The following PRUNE2 variants were observed in gnomAD, a reference collection of about 807,000 sequenced individuals.
The protein encoded by PRUNE2 is prune homolog 2 with BCH domain.
A neutral mutation model predicts 252.0 loss-of-function variants in PRUNE2; 164 were observed. That is an observed-to-expected ratio of 0.65 (90% CI 0.57 to 0.74). The LOEUF (loss-of-function observed/expected upper bound fraction) is 0.74. Among genes scored for constraint, PRUNE2 ranks in the 30% least tolerant of loss-of-function variants. The pLI, the probability that PRUNE2 is intolerant of heterozygous loss-of-function variation, is 0.00. For missense variants in PRUNE2, 3,495 were observed against 3,711.0 expected (o/e 0.94, Z 1.51); for synonymous variants, 1,292 against 1,350.2 (o/e 0.96, Z 0.94).
At position 76,656,753 on chromosome 9, in the gene PRUNE2, C is replaced by A. The variant is rs115739389; in HGVS notation, c.8277-1251G>T. ...CTACCTTCAAAAACTCAGTGCTGCT[C>A]CCCTGGATAGAGGTAAGTGCCTGTG... On this transcript the variant is annotated intron_variant, in intron 9 of 18. Transcript: ENST00000376718. Among the ~76,000 whole-genome samples, 482 of 152,238 alleles carry A rather than the reference C, an allele frequency of 3.2e-3. 3 individuals are homozygous for A. The highest frequency in any genetic ancestry group is 0.011 in the African/African-American group (458 of 41,530).
At chr9:76,774,450 C>CTTTTTTTATTTATTTATTTTT (rs1564272256) in intron 6 of PRUNE2, among the ~76,000 whole-genome samples, 3 of 41,402 alleles carry the variant, frequency 7.2e-5, no homozygotes, top group Non-Finnish European at 7.8e-5. Flanking sequence ...CAGTTCAACC[C>CTTTTTTTATTTATTTATTTTT]TTTTTTTTTT....
chr9:76,734,633 T>C (rs145144420), intron 6 of PRUNE2, among the ~76,000 whole-genome samples: 37 of 152,276 alleles, frequency 2.4e-4, no homozygotes, highest in African/African-American at 8.2e-4. Context: ...TGAGTTCAGA[T>C]TGTCACAGAC....
At chr9:76,897,181 A>T (rs896300034) in intron 1 of PRUNE2, among the ~76,000 whole-genome samples, 1 of 152,154 alleles carries the variant, frequency 6.6e-6, no homozygotes, top group African/African-American at 2.4e-5. Flanking sequence ...CGTGAACAAT[A>T]TATGTGCAAT....
intron 4 of PRUNE2, among the ~76,000 whole-genome samples, chr9:76,841,631 C>T (rs1170399983): frequency 6.6e-6 from 1 of 152,216 alleles, no homozygotes; most frequent in African/African-American, 2.4e-5. Flanking sequence ...TCCGCCATTA[C>T]TGAGGCTTGA....
intron 6 of PRUNE2, among the ~76,000 whole-genome samples, chr9:76,742,608 A>G (rs2049738055): frequency 6.6e-6 from 1 of 151,936 alleles, no homozygotes. Context: ...ATAAGGTGAA[A>G]CCTATCTCAA....
chr9:76,752,137 G>A (rs1464758961), intron 6 of PRUNE2, among the ~76,000 whole-genome samples: 3 of 147,522 alleles, frequency 2.0e-5, no homozygotes, highest in Non-Finnish European at 3.0e-5. Context: ...TCACTCTGTC[G>A]CCCAGGCTGG....
chr9:76,899,171 T>C (rs1352701945), intron 1 of PRUNE2, among the ~76,000 whole-genome samples: 2 of 152,180 alleles, frequency 1.3e-5, no homozygotes, highest in African/African-American at 4.8e-5. Context: ...CAACTTCTAG[T>C]CTTTGAGCCA....
At position 76,731,332 on chromosome 9, in the gene PRUNE2, T is replaced by A. The variant is rs1179979411; in HGVS notation, c.757-17611A>T. On this transcript the variant is annotated intron_variant, in intron 6 of 18. Transcript: ENST00000376718. The stretch of plus-strand genomic sequence containing the variant: ...TATCTATATATATATATATTTTTTT[T>A]TTTTTTTTGAGACAGGGTATTGCTC... 3.9e-3 allele frequency among the ~76,000 whole-genome samples: 494 copies of A among 126,978 alleles called. 7 individuals are homozygous for A. Among genetic ancestry groups the A allele is most frequent in the Middle Eastern group, 7.6e-3 (2 of 262 alleles). The allele number at this position is 126,978 out of a possible 152,430, so 83.3% of individuals were successfully genotyped here.
rs1239349846 is a variant in PRUNE2, at chr9:76,834,993, G to A, written c.509-8261C>T. On this transcript the variant is annotated intron_variant, in intron 4 of 18. Coordinates refer to ENST00000376718, the MANE Select transcript of PRUNE2 (RefSeq NM_015225.3). Reference sequence around the variant, plus strand: ...AAGAAATACTGAAATCCATAAGGACGTACCCCAAAGTATCTTAGCTATTCA... The same window carrying A: ...AAGAAATACTGAAATCCATAAGGACATACCCCAAAGTATCTTAGCTATTCA... Among the ~76,000 whole-genome samples the A allele has an allele frequency of 4.6e-5, 7 of 152,124 alleles. No individual in the cohort carries two copies. The South Asian group carries it at 1.0e-3, about 23-fold the overall frequency.
In PRUNE2 at chr9:76,614,561, C is replaced by T. The variant is rs1292441264; in HGVS notation, c.*9G>A. On this transcript the variant is annotated 3_prime_UTR_variant, in exon 19 of 19. Coordinates refer to ENST00000376718, the MANE Select transcript of PRUNE2 (RefSeq NM_015225.3). ...CCAGAAAAGCATCCTCTTCTTCCAG[C>T]ATGGCCAACTAAGGCTTTTCTTTCA... The T allele has an allele frequency of 1.5e-5, 24 of 1,610,132 alleles. No homozygotes were observed. The highest frequency in any genetic ancestry group is 2.0e-5 in the Non-Finnish European group (23 of 1,176,774).
intron 5 of PRUNE2, among the ~76,000 whole-genome samples, chr9:76,826,262 C>T (rs894698025): frequency 6.6e-6 from 1 of 152,068 alleles, no homozygotes; most frequent in Admixed American, 6.5e-5. Context: ...TGACTTGAGG[C>T]CAGGAGTTCG....
chr9:76,696,615 G>A (rs1266098578), intron 9 of PRUNE2, among the ~76,000 whole-genome samples: 4 of 152,206 alleles, frequency 2.6e-5, no homozygotes, highest in Non-Finnish European at 2.9e-5. Context: ...TAGTAGAGAC[G>A]GGGTTTCTCC....
intron 4 of PRUNE2, among the ~76,000 whole-genome samples, chr9:76,831,131 A>G (rs113762064): frequency 0.065 from 9,898 of 152,056 alleles, 426 homozygotes; most frequent in African/African-American, 0.13. Flanking sequence ...GGGTTTCACC[A>G]TGTTAGCCAG....
chr9:76,782,197 A>G (rs10121230), intron 6 of PRUNE2, among the ~76,000 whole-genome samples: 45,523 of 151,716 alleles, frequency 0.3, 6,943 homozygotes, highest in African/African-American at 0.35. Flanking sequence ...CTGGGTGACA[A>G]AGCGAGACTC....
intron 1 of PRUNE2, among the ~76,000 whole-genome samples, chr9:76,903,662 AC>A (rs2063313571): frequency 6.6e-6 from 1 of 152,244 alleles, no homozygotes; most frequent in East Asian, 1.9e-4. Context: ...ATCTCGACTC[AC>A]TGCAACCTCC....
intron 6 of PRUNE2, among the ~76,000 whole-genome samples, chr9:76,804,428 T>G (rs1051405269): frequency 6.6e-6 from 1 of 152,206 alleles, no homozygotes; most frequent in African/African-American, 2.4e-5. Flanking sequence ...TTAAAAGCAG[T>G]GTACTGAGAT....
chr9:76,810,254 C>T (rs1247252743), intron 6 of PRUNE2, among the ~76,000 whole-genome samples: 1 of 152,080 alleles, frequency 6.6e-6, no homozygotes, highest in Non-Finnish European at 1.5e-5. Context: ...TCATTTATAA[C>T]ATGAAAATAA....
chr9:76,889,693 C>T (rs1288042312), intron 1 of PRUNE2, among the ~76,000 whole-genome samples: 2 of 152,144 alleles, frequency 1.3e-5, no homozygotes, highest in East Asian at 3.9e-4. Context: ...GCACATCAGG[C>T]GTCTCACCAC....
At chr9:76,776,169 C>A (rs1347067973) in intron 6 of PRUNE2, among the ~76,000 whole-genome samples, 2 of 152,156 alleles carry the variant, frequency 1.3e-5, no homozygotes, top group East Asian at 3.8e-4. Flanking sequence ...TTAGGGGGTA[C>A]AAGTGCAGTT....
Sources: gnomAD v4.1 joint callset for allele counts (sites outside exome capture counted in the v4.1 genomes callset) on GRCh38, gnomAD v4.1.1 for gene constraint, MANE v1.5 for transcripts, NCBI Gene and HGNC (gene_info 2026-07-23, HGNC 2026-07-21) for gene names.